TDP1: variants seen among roughly 807,000 people sequenced by gnomAD.
TDP1 encodes tyrosyl-DNA phosphodiesterase 1.
TDP1 carries 64 observed loss-of-function variants against 81.5 expected under a neutral mutation model. That is an observed-to-expected ratio of 0.79 (90% CI 0.64 to 0.97). The LOEUF (loss-of-function observed/expected upper bound fraction) is 0.97. Among genes scored for constraint, TDP1 ranks in the 50% least tolerant of loss-of-function variants. The pLI, the probability that TDP1 is intolerant of heterozygous loss-of-function variation, is 0.00. For synonymous variants in TDP1, 256 were observed against 264.3 expected (o/e 0.97, Z 0.30); for missense variants, 723 against 743.8 (o/e 0.97, Z 0.33).
intron 5 of TDP1, 114 bp from the exon 6 acceptor site, chr14:89,971,061 C>T: frequency 1.2e-6 from 1 of 847,110 alleles, no homozygotes; most frequent in Non-Finnish European, 1.9e-6. Context: ...GTCTCGAACT[C>T]CTGACCTCAG....
chr14:89,980,179 G>A (rs1894812091), intron 7 of TDP1: 2 of 985,306 alleles, frequency 2.0e-6, no homozygotes, highest in South Asian at 9.4e-5. Flanking sequence ...GCAAGAGGTT[G>A]TTGACCATAC....
At chr14:89,977,019 G>A (rs540748810) in intron 7 of TDP1, among the ~76,000 whole-genome samples, 1 of 152,214 alleles carries the variant, frequency 6.6e-6, no homozygotes, top group East Asian at 2.0e-4. Flanking sequence ...CCGGGCAGTA[G>A]TGGGACATGC....
intron 6 of TDP1, among the ~76,000 whole-genome samples, chr14:89,974,915 G>C (rs1894101693): frequency 6.6e-6 from 1 of 152,118 alleles, no homozygotes; most frequent in Non-Finnish European, 1.5e-5. Context: ...TAGATAACAT[G>C]TTTTCTATAT....
In TDP1 at chr14:89,956,787, C is replaced by T. The variant is rs34348197; in HGVS notation, c.-21C>T. On this transcript the variant is annotated 5_prime_UTR_variant, in exon 2 of 17. Coordinates refer to ENST00000335725, the MANE Select transcript of TDP1 (RefSeq NM_018319.4). ...TGGTGGATGCCTGTAATCCTAGCTCCTCGGGAGGCTAAGGTAGGAGAATTG... is the reference window on the plus strand; with the variant it reads ...TGGTGGATGCCTGTAATCCTAGCTCTTCGGGAGGCTAAGGTAGGAGAATTG... The T allele has an allele frequency of 0.074, 11,198 of 152,300 alleles. 724 individuals carry two copies. The highest frequency in any genetic ancestry group is 0.22 in the South Asian group (1,048 of 4,816). The allele number at this position is 152,300 out of a possible 1,614,324, so 9.4% of individuals were successfully genotyped here.
intron 15 of TDP1, chr14:90,023,048 TA>T: frequency 1.3e-6 from 1 of 763,466 alleles, no homozygotes. Context: ...GCGAAGAGAA[TA>T]AAGGATGAAG....
At position 89,991,918 on chromosome 14, in the gene TDP1, T is replaced by TG. The variant is rs1896225776; in HGVS notation, c.1373dup (p.Ser459LeufsTer5). 2.5e-6 allele frequency: 4 copies of TG among 1,608,018 alleles called. No individual in the cohort carries two copies. The highest frequency in any genetic ancestry group is 3.4e-6 in the Non-Finnish European group (4 of 1,178,054). ...ATTGTTTTATTTTTCTTTTAAAAGC[T>TG]GGGGGCTCTCTTCCCTATAGCATCC... On this transcript the variant is annotated frameshift_variant and splice_region_variant, in exon 13 of 17. Transcript: ENST00000335725. LOFTEE classifies it high-confidence loss of function.
chr14:89,984,977 T>G (rs985867743), intron 9 of TDP1, 155 bp from the exon 10 acceptor site: 97 of 924,248 alleles, frequency 1.0e-4, no homozygotes, highest in Non-Finnish European at 3.1e-5. Flanking sequence ...ATTAGTTGAT[T>G]TGCTTGAAAA....
chr14:89,980,716 A>G (rs2140072055), intron 8 of TDP1, 84 bp downstream of exon 8: 7 of 1,063,986 alleles, frequency 6.6e-6, no homozygotes, highest in East Asian at 2.8e-5. Context: ...TCTTTTTTCT[A>G]TTTTTTTTTT....
At chr14:89,997,370 A>T (rs1422949617) in intron 14 of TDP1, among the ~76,000 whole-genome samples, 1 of 152,188 alleles carries the variant, frequency 6.6e-6, no homozygotes, top group Non-Finnish European at 1.5e-5. Flanking sequence ...GAGGGCCCTC[A>T]AAGGTGATTC....
intron 16 of TDP1, among the ~76,000 whole-genome samples, chr14:90,037,949 T>C (rs1887989361): frequency 6.6e-6 from 1 of 152,238 alleles, no homozygotes; most frequent in Non-Finnish European, 1.5e-5. Context: ...CCAGTTATTT[T>C]ATAAACTCTG....
At chr14:89,978,148 C>G (rs555075343) in intron 7 of TDP1, among the ~76,000 whole-genome samples, 5 of 152,214 alleles carry the variant, frequency 3.3e-5, no homozygotes, top group Admixed American at 2.0e-4. Context: ...TGTCTCCCCC[C>G]ACCTCACCTA....
chr14:89,986,937 A>G (rs1204171282), intron 10 of TDP1: 1 of 152,264 alleles, frequency 6.6e-6, no homozygotes, highest in Non-Finnish European at 1.5e-5. Flanking sequence ...CATTCAGTAC[A>G]TATTTAAGTG....
chr14:89,970,101 C>T (rs989863920), intron 5 of TDP1, among the ~76,000 whole-genome samples: 5 of 151,976 alleles, frequency 3.3e-5, no homozygotes, highest in African/African-American at 1.2e-4. Context: ...TGGTCTCGAT[C>T]TCCTGACCTC....
At chr14:90,007,228 G>T (rs1467931721) in intron 14 of TDP1, among the ~76,000 whole-genome samples, 8 of 152,042 alleles carry the variant, frequency 5.3e-5, no homozygotes, top group Non-Finnish European at 1.2e-4. Flanking sequence ...GCTCTTATTT[G>T]TTTTTCTAAA....
chr14:89,998,895 T>C (rs1293754479), intron 14 of TDP1, among the ~76,000 whole-genome samples: 1 of 152,144 alleles, frequency 6.6e-6, no homozygotes, highest in Non-Finnish European at 1.5e-5. Context: ...GTTTCTTTGA[T>C]GTCTCCGGGG....
At chr14:89,995,129 C>A (rs1473942401) in intron 14 of TDP1, among the ~76,000 whole-genome samples, 1 of 152,158 alleles carries the variant, frequency 6.6e-6, no homozygotes, top group African/African-American at 2.4e-5. Context: ...GGCTTTGTAG[C>A]TTCTAGTTTT....
Position 89,973,880 on chromosome 14 carries a change from C to CTTA in TDP1, c.757-1899_757-1897dup, listed in dbSNP as rs557159569. On this transcript the variant is annotated intron_variant, in intron 6 of 16. Transcript: ENST00000335725. ...TTCCAGGTGAGGGCTCTCTTGCCAG[C>CTTA]TTATAGATGGCCACGTTCTCACGGT... 3.3e-3 allele frequency among the ~76,000 whole-genome samples: 499 copies of CTTA among 152,220 alleles called. 3 individuals carry two copies. Among genetic ancestry groups the CTTA allele is most frequent in the Non-Finnish European group, 5.7e-3 (386 of 68,028 alleles).
chr14:90,029,749 T>G (rs1478447628), intron 15 of TDP1, among the ~76,000 whole-genome samples: 1 of 152,210 alleles, frequency 6.6e-6, no homozygotes, highest in African/African-American at 2.4e-5. Context: ...TCCACCCGCC[T>G]TGGCCTCCCA....
At chr14:90,021,492 G>C (rs538050060) in intron 15 of TDP1, among the ~76,000 whole-genome samples, 1 of 152,164 alleles carries the variant, frequency 6.6e-6, no homozygotes, top group Non-Finnish European at 1.5e-5. Context: ...CCATGAAAAT[G>C]CTGATCATGA....
Sources: allele counts gnomAD v4.1 joint callset (sites outside exome capture counted in the v4.1 genomes callset), GRCh38; gene constraint gnomAD v4.1.1; transcripts MANE v1.5; gene names NCBI Gene and HGNC (gene_info 2026-07-23, HGNC 2026-07-21).